The following FBXO11 variants were observed in gnomAD, a reference collection of about 807,000 sequenced individuals.
The protein encoded by FBXO11 is F-box protein 11.
Under a neutral mutation model 117.0 loss-of-function variants are expected in FBXO11, and 13 were observed. That is an observed-to-expected ratio of 0.11 (90% confidence interval 0.07 to 0.18). FBXO11 has a LOEUF of 0.18. Among genes scored for constraint, FBXO11 ranks in the 10% least tolerant of loss-of-function variants. The probability of loss-of-function intolerance (pLI) is 1.00; values close to 1 mark genes in which losing one functional copy is unlikely to be tolerated. For missense variants in FBXO11, 767 were observed against 1,164.4 expected (o/e 0.66, Z 4.97); for synonymous variants, 490 against 380.5 (o/e 1.29, Z -3.35).
intron 18 of FBXO11, among the ~76,000 whole-genome samples, chr2:47,812,455 A>G (rs998596818): frequency 1.3e-5 from 2 of 152,222 alleles, no homozygotes; most frequent in Non-Finnish European, 2.9e-5. Flanking sequence ...CAAATAAACC[A>G]TTCTGTATTG....
chr2:47,876,781 C>T (rs533206429), intron 1 of FBXO11, among the ~76,000 whole-genome samples: 5 of 152,246 alleles, frequency 3.3e-5, no homozygotes, highest in African/African-American at 1.2e-4. Context: ...AAACTCAGTT[C>T]AATATGAAAC....
At chr2:47,851,340 C>T (rs928245813) in intron 1 of FBXO11, among the ~76,000 whole-genome samples, 8 of 152,088 alleles carry the variant, frequency 5.3e-5, no homozygotes, top group African/African-American at 1.9e-4. Flanking sequence ...GATTCTCCTG[C>T]CTCAGCCTCC....
intron 21 of FBXO11, 89 bp downstream of exon 21, chr2:47,809,069 C>T (rs756673223): frequency 2.6e-5 from 20 of 763,400 alleles, no homozygotes; most frequent in Admixed American, 5.3e-5. Context: ...GTCTCAACAC[C>T]GGCAAATAGC....
Position 47,807,139 on chromosome 2 carries a change from G to C in FBXO11, c.*979C>G. On this transcript the variant is annotated 3_prime_UTR_variant, in exon 23 of 23. Coordinates refer to ENST00000403359, the MANE Select transcript of FBXO11 (RefSeq NM_001190274.2). ...ATGGGGGAGGAAAAGCTATGAAACT[G>C]TATAGGGCTGTATATATACTTGTCT... The C allele has an allele frequency of 2.5e-6, 1 of 402,706 alleles. No individual in the cohort carries two copies. The highest frequency in any genetic ancestry group is 4.5e-6 in the Non-Finnish European group (1 of 222,928). 24.9% of individuals were successfully genotyped at this position (402,706 alleles called of 1,614,324 possible).
In FBXO11 at chr2:47,823,197, T is replaced by C; in HGVS notation, c.1562A>G (p.Tyr521Cys). 3.1e-6 allele frequency: 5 copies of C among 1,614,120 alleles called. No individual in the cohort carries two copies. Among genetic ancestry groups the C allele is most frequent in the South Asian group, 1.1e-5 (1 of 91,076 alleles). ...GRGQFIENKI[Y>C]ANNFAGVWIT... The stretch of plus-strand genomic sequence containing the variant: ...CCATACACCTGCAAAGTTGTTTGCA[T>C]AGATTTTATTCTCTATGAATTGTCC... The change falls in exon 12 of 23, where the codon TAT (tyrosine) becomes TGT (cysteine). Residue 521 changes from tyrosine (Y) to cysteine (C), a missense_variant. Tyr to Cys is a radical substitution (Grantham distance 194, BLOSUM62 -2). This residue lies in a region of FBXO11 where 67 missense variants were observed against 148.8 expected (regional missense o/e 0.45). Coordinates refer to ENST00000403359, the MANE Select transcript of FBXO11 (RefSeq NM_001190274.2).
At chr2:47,809,537 G>C in intron 20 of FBXO11, 63 bp downstream of exon 20, 1 of 1,188,282 alleles carries the variant, frequency 8.4e-7, no homozygotes, top group Non-Finnish European at 1.2e-6. Flanking sequence ...GTTATAAAAC[G>C]GCTTCTGATT....
At chr2:47,820,341 G>A (rs1671295092) in intron 14 of FBXO11, 21 bp downstream of exon 14, 1 of 1,584,292 alleles carries the variant, frequency 6.3e-7, no homozygotes, top group Non-Finnish European at 8.7e-7. Flanking sequence ...AGTTTATAGG[G>A]AACTATATAC....
intron 13 of FBXO11, 137 bp from the exon 14 acceptor site, chr2:47,820,593 A>C: frequency 3.2e-6 from 2 of 634,480 alleles, no homozygotes; most frequent in East Asian, 5.5e-5. Context: ...GAGAACTAGA[A>C]GTGTAAATAG....
chr2:47,879,937 T>C (rs1337330394), intron 1 of FBXO11, among the ~76,000 whole-genome samples: 1 of 152,214 alleles, frequency 6.6e-6, no homozygotes, highest in African/African-American at 2.4e-5. Context: ...CAAAATTTCC[T>C]TTCTAAAGTT....
At chr2:47,875,472 A>G (rs1675930891) in intron 1 of FBXO11, among the ~76,000 whole-genome samples, 1 of 147,896 alleles carries the variant, frequency 6.8e-6, no homozygotes, top group Non-Finnish European at 1.5e-5. Flanking sequence ...TCTTCCTTCT[A>G]GGAGATTCTG....
In FBXO11 at chr2:47,829,286, G is replaced by C. The variant is rs568812297; in HGVS notation, c.1398+3063C>G. On this transcript the variant is annotated intron_variant, in intron 11 of 22. Coordinates refer to ENST00000403359, the MANE Select transcript of FBXO11 (RefSeq NM_001190274.2). ...GACAGAGTCTTGCTCTGTCGCCCAG[G>C]CTGGAGTGCAGTGGCGCGATCTCGG... Among the ~76,000 whole-genome samples, 28 of 152,180 alleles carry C rather than the reference G, an allele frequency of 1.8e-4. No individual in the cohort carries two copies. In the South Asian group the frequency reaches 5.6e-3, roughly 30 times the overall value.
At chr2:47,815,548 A>G (rs1330658747) in intron 16 of FBXO11, among the ~76,000 whole-genome samples, 1 of 152,194 alleles carries the variant, frequency 6.6e-6, no homozygotes, top group African/African-American at 2.4e-5. Context: ...CCGCATGCCA[A>G]GGTGCCATAC....
At chr2:47,817,647 A>C (rs940820116) in intron 16 of FBXO11, among the ~76,000 whole-genome samples, 1 of 152,190 alleles carries the variant, frequency 6.6e-6, no homozygotes, top group Non-Finnish European at 1.5e-5. Context: ...TTTCACTTCA[A>C]TACTTATAGA....
intron 7 of FBXO11, among the ~76,000 whole-genome samples, chr2:47,834,281 C>T (rs1672396242): frequency 6.6e-6 from 1 of 151,974 alleles, no homozygotes; most frequent in African/African-American, 2.4e-5. Flanking sequence ...ACCCAGGAGG[C>T]AGAGGTTACA....
chr2:47,897,584 C>G (rs976363772), intron 1 of FBXO11, among the ~76,000 whole-genome samples: 2 of 151,618 alleles, frequency 1.3e-5, no homozygotes, highest in African/African-American at 4.8e-5. Context: ...ATAATCCCAG[C>G]TACTCAGGAG....
chr2:47,897,511 A>T (rs1464175811), intron 1 of FBXO11, among the ~76,000 whole-genome samples: 4 of 152,158 alleles, frequency 2.6e-5, no homozygotes, highest in African/African-American at 9.7e-5. Flanking sequence ...AGCTTGGCCA[A>T]CGTGGGGAAA....
intron 1 of FBXO11, among the ~76,000 whole-genome samples, chr2:47,846,601 C>G (rs1224818418): frequency 6.6e-6 from 1 of 151,914 alleles, no homozygotes; most frequent in Admixed American, 6.6e-5. Context: ...CTATAATTCA[C>G]AGAAAAATTT....
rs1412913967 is a variant in FBXO11, at chr2:47,905,614, G to A, written c.107C>T (p.Pro36Leu). The A allele has an allele frequency of 2.9e-6, 4 of 1,364,130 alleles. No homozygotes were observed. In the South Asian group the frequency reaches 6.9e-5, roughly 23 times the overall value. The allele number at this position is 1,364,130 out of a possible 1,614,324, so 84.5% of individuals were successfully genotyped here. A position where few individuals can be genotyped will look rare whatever the true frequency, so the allele number is the denominator to read the frequency against. ...CTGCTGCTGGGGCGGCTGCTGCTGG[G>A]GCGGCTGCGGCGGCGGCTGCTGCGG... ...QPPQQPPPQP[P>L]QQQPPQQQPP... Residue 36 changes from proline to leucine, a missense_variant, in exon 1 of 23, where the codon CCC (proline) becomes CTC (leucine). Physicochemically the swap from Pro to Leu is moderately conservative, Grantham distance 98. Around this residue, in one of 10 missense-constraint regions of FBXO11, gnomAD observed 355 missense variants for 299.8 expected, o/e 1.18. Coordinates refer to ENST00000403359, the MANE Select transcript of FBXO11 (RefSeq NM_001190274.2).
intron 1 of FBXO11, among the ~76,000 whole-genome samples, chr2:47,844,515 T>TA (rs1673259244): frequency 7.6e-6 from 1 of 131,698 alleles, no homozygotes; most frequent in South Asian, 2.3e-4. Flanking sequence ...CCCTGTGCTA[T>TA]ATACAGCAAC....
Sources: gnomAD v4.1 joint callset for allele counts (sites outside exome capture counted in the v4.1 genomes callset) on GRCh38, gnomAD v4.1.1 for gene constraint, gnomAD v4.1.1 regional missense constraint, MANE v1.5 for transcripts, NCBI Gene and HGNC (gene_info 2026-07-23, HGNC 2026-07-21) for gene names.